The following RBM33 variants were observed in gnomAD, a reference collection of about 807,000 sequenced individuals.
RBM33 encodes the protein RNA-binding protein 33.
In RBM33, 28 loss-of-function variants were observed where a neutral mutation model predicts 132.6. The observed-to-expected ratio is 0.21, with a 90% confidence interval of 0.16 to 0.29. The LOEUF (loss-of-function observed/expected upper bound fraction) is 0.29. RBM33 is among the 10% of genes least tolerant of loss of function. The probability of loss-of-function intolerance (pLI) is 1.00; values close to 1 mark genes in which losing one functional copy is unlikely to be tolerated. For missense variants in RBM33, 1,291 were observed against 1,518.5 expected, an observed-to-expected ratio of 0.85 and a Z score of 2.49; for synonymous variants, 634 against 593.0, an observed-to-expected ratio of 1.07 and a Z score of -1.01.
intron 1 of RBM33, among the ~76,000 whole-genome samples, chr7:155,654,132 C>A (rs1250631825): frequency 1.3e-5 from 2 of 152,190 alleles, no homozygotes; most frequent in Non-Finnish European, 1.5e-5. Flanking sequence ...ACCCCACCCT[C>A]AAATAAACCA....
At chr7:155,728,723 ATG>A (rs1800865171) in intron 9 of RBM33, among the ~76,000 whole-genome samples, 1 of 152,190 alleles carries the variant, frequency 6.6e-6, no homozygotes, top group Non-Finnish European at 1.5e-5. Flanking sequence ...ACACTTACAT[ATG>A]TGATGATAAA....
intron 14 of RBM33, among the ~76,000 whole-genome samples, chr7:155,750,196 A>G (rs1012488777): frequency 1.3e-5 from 2 of 152,258 alleles, no homozygotes; most frequent in African/African-American, 4.8e-5. Context: ...CTTAGAATAT[A>G]GAAATATTCT....
At chr7:155,691,569 G>A (rs1461741475) in intron 5 of RBM33, among the ~76,000 whole-genome samples, 1 of 150,686 alleles carries the variant, frequency 6.6e-6, no homozygotes, top group East Asian at 1.9e-4. Flanking sequence ...CTTAAAATAG[G>A]GAAAGGTTTT....
intron 8 of RBM33, among the ~76,000 whole-genome samples, chr7:155,714,453 C>A (rs896551197): frequency 3.9e-5 from 6 of 152,070 alleles, no homozygotes; most frequent in Non-Finnish European, 2.9e-5. Flanking sequence ...AGAGGTGGCA[C>A]GGATCTGAGG....
chr7:155,770,642 A>C (rs1472633138), intron 16 of RBM33, among the ~76,000 whole-genome samples: 3 of 145,134 alleles, frequency 2.1e-5, no homozygotes, highest in Non-Finnish European at 4.5e-5. Context: ...AGGTGCTAGA[A>C]TTGTTGGCCA....
rs1391942850 is a variant in RBM33, at chr7:155,737,456, T to G, written c.1261-74T>G. The G allele has an allele frequency of 3.4e-6, 5 of 1,458,168 alleles. No individual in the cohort carries two copies. In the Admixed American group the frequency reaches 1.1e-4, roughly 31 times the overall value. 90.3% of individuals were successfully genotyped at this position (1,458,168 alleles called of 1,614,324 possible). A position where few individuals can be genotyped will look rare whatever the true frequency, so the allele number is the denominator to read the frequency against. On this transcript the variant is annotated intron_variant, in intron 9 of 17. Coordinates refer to ENST00000401878, the MANE Select transcript of RBM33 (RefSeq NM_053043.3). ...TTTTTGAGGAAAACTTGGAACCAGG[T>G]CTATATTTCTAAAAATTACATACCA...
At chr7:155,714,363 T>C (rs1049446336) in intron 8 of RBM33, among the ~76,000 whole-genome samples, 4 of 152,120 alleles carry the variant, frequency 2.6e-5, no homozygotes, top group African/African-American at 9.7e-5. Flanking sequence ...TGGAGATCTT[T>C]GTAGAGTTGA....
At chr7:155,664,917 GTT>G (rs35481002) in intron 1 of RBM33, among the ~76,000 whole-genome samples, 2 of 148,990 alleles carry the variant, frequency 1.3e-5, no homozygotes, top group Non-Finnish European at 3.0e-5. Flanking sequence ...AACATTTGAG[GTT>G]TTTTTTTTTG....
At chr7:155,671,924 A>G (rs1424763773) in intron 2 of RBM33, among the ~76,000 whole-genome samples, 3 of 152,094 alleles carry the variant, frequency 2.0e-5, no homozygotes, top group Non-Finnish European at 4.4e-5. Context: ...CAGCTTTTTT[A>G]TTTGCTAAGG....
At chr7:155,748,879 C>T (rs989375685) in intron 14 of RBM33, among the ~76,000 whole-genome samples, 1 of 151,970 alleles carries the variant, frequency 6.6e-6, no homozygotes, top group Non-Finnish European at 1.5e-5. Context: ...TGACTAGGGT[C>T]AACGTCTTGG....
At chr7:155,696,611 TATTGA>T (rs1315125867) in intron 5 of RBM33, among the ~76,000 whole-genome samples, 1 of 152,232 alleles carries the variant, frequency 6.6e-6, no homozygotes, top group Non-Finnish European at 1.5e-5. Context: ...CAGAAATGGG[TATTGA>T]ATTTTGTTGA....
At chr7:155,721,768 A>G (rs1024914366) in intron 9 of RBM33, among the ~76,000 whole-genome samples, 196 of 152,318 alleles carry the variant, frequency 1.3e-3, no homozygotes, top group African/African-American at 4.4e-3. Flanking sequence ...ATTATTCTTA[A>G]AAATCCAAAT....
At chr7:155,735,535 C>CAAAAAA (rs1404273716) in intron 9 of RBM33, among the ~76,000 whole-genome samples, 265 of 152,136 alleles carry the variant, frequency 1.7e-3, no homozygotes, top group African/African-American at 5.0e-3. Flanking sequence ...CAAGACCCTG[C>CAAAAAA]CTCTACAAAA....
chr7:155,698,554 T>C (rs1002746860), intron 5 of RBM33, among the ~76,000 whole-genome samples: 1 of 152,180 alleles, frequency 6.6e-6, no homozygotes, highest in African/African-American at 2.4e-5. Context: ...CCGTGTTTGG[T>C]GGTTTGTCAG....
rs9769680 is a variant in RBM33 at position 155,773,554 on chromosome 7, C to T, written c.3376-1005C>T. 8.5e-3 allele frequency among the ~76,000 whole-genome samples: 988 copies of T among 116,170 alleles called. 17 individuals are homozygous for T. Among genetic ancestry groups the T allele is most frequent in the African/African-American group, 0.033 (927 of 28,488 alleles). The allele number at this position is 116,170 out of a possible 152,430, so 76.2% of individuals were successfully genotyped here. A position where few individuals can be genotyped will look rare whatever the true frequency, so the allele number is the denominator to read the frequency against. On this transcript the variant is annotated intron_variant, in intron 16 of 17. Transcript: ENST00000401878. Reference sequence around the variant, plus strand: ...TTGCACACCAGCCCAGGCAACAGTGCGAGACTCCATCTCCAAAAAAAAAAA... The same window carrying T: ...TTGCACACCAGCCCAGGCAACAGTGTGAGACTCCATCTCCAAAAAAAAAAA...
chr7:155,678,474 TGAC>T (rs1301968864), intron 3 of RBM33, 131 bp from the exon 4 acceptor site: 4 of 576,254 alleles, frequency 6.9e-6, no homozygotes, highest in African/African-American at 5.7e-5. Flanking sequence ...TATCCACTGG[TGAC>T]CAGAAAGCCT....
chr7:155,663,532 G>A (rs763681524), intron 1 of RBM33, among the ~76,000 whole-genome samples: 2 of 152,126 alleles, frequency 1.3e-5, no homozygotes, highest in Non-Finnish European at 1.5e-5. Flanking sequence ...TGGCTATGGT[G>A]AGGGCAGCAC....
intron 5 of RBM33, among the ~76,000 whole-genome samples, chr7:155,692,235 C>T (rs1332765059): frequency 6.6e-6 from 1 of 152,098 alleles, no homozygotes; most frequent in African/African-American, 2.4e-5. Flanking sequence ...TTTTAACCTA[C>T]TTTAATATTA....
At chr7:155,700,284 T>C (rs1381411721) in intron 5 of RBM33, among the ~76,000 whole-genome samples, 1 of 152,196 alleles carries the variant, frequency 6.6e-6, no homozygotes, top group Non-Finnish European at 1.5e-5. Flanking sequence ...GCTACATCAG[T>C]AGAACGGCAC....
Sources: gnomAD v4.1 joint callset for allele counts (sites outside exome capture counted in the v4.1 genomes callset) on GRCh38, gnomAD v4.1.1 for gene constraint, MANE v1.5 for transcripts, NCBI Gene and HGNC (gene_info 2026-07-23, HGNC 2026-07-21) for gene names.